The following CPQ variants were observed in gnomAD, a reference collection of about 807,000 sequenced individuals.
The protein encoded by CPQ is carboxypeptidase Q, also known as Ser-Met dipeptidase.
In CPQ, 37 loss-of-function variants were observed where a neutral mutation model predicts 45.7. The observed-to-expected ratio is 0.81, with a 90% confidence interval of 0.62 to 1.07. The LOEUF is 1.07. Among genes scored for constraint, CPQ ranks in the 50% least tolerant of loss-of-function variants. The pLI, the probability that CPQ is intolerant of heterozygous loss-of-function variation, is 0.00. For missense variants in CPQ, 537 were observed against 572.9 expected (o/e 0.94, Z 0.64); for synonymous variants, 186 against 205.8 (o/e 0.90, Z 0.82).
chr8:96,770,973 A>G (rs1049684091), intron 1 of CPQ, among the ~76,000 whole-genome samples: 13 of 148,806 alleles, frequency 8.7e-5, no homozygotes, highest in African/African-American at 2.9e-4. Context: ...TGCTTTGTAA[A>G]TAGGTACTGT....
At chr8:96,880,178 T>C (rs1168611462) in intron 4 of CPQ, among the ~76,000 whole-genome samples, 173 bp downstream of exon 4, 1 of 152,136 alleles carries the variant, frequency 6.6e-6, no homozygotes, top group African/African-American at 2.4e-5. Flanking sequence ...ATGTTTACCA[T>C]CTCACACCAG....
intron 5 of CPQ, among the ~76,000 whole-genome samples, chr8:96,978,525 G>T (rs910412986): frequency 1.9e-4 from 29 of 152,080 alleles, no homozygotes; most frequent in African/African-American, 6.8e-4. Flanking sequence ...CACCACCCAG[G>T]GTATACAGCA....
At chr8:96,669,835 T>C (rs1049997657) in intron 1 of CPQ, among the ~76,000 whole-genome samples, 2 of 152,196 alleles carry the variant, frequency 1.3e-5, no homozygotes, top group Non-Finnish European at 2.9e-5. Flanking sequence ...GGTAGTTATG[T>C]TCTGTAAAAC....
At chr8:97,088,385 A>T (rs1811073805) in intron 7 of CPQ, among the ~76,000 whole-genome samples, 1 of 152,206 alleles carries the variant, frequency 6.6e-6, no homozygotes, top group Admixed American at 6.5e-5. Flanking sequence ...CATTGGCTTC[A>T]CTTAGTTCAT....
intron 5 of CPQ, among the ~76,000 whole-genome samples, chr8:97,012,926 A>ATGTT (rs1448194287): frequency 1.3e-5 from 2 of 151,976 alleles, no homozygotes; most frequent in Admixed American, 1.3e-4. Flanking sequence ...AAGAATGAAA[A>ATGTT]TGTTTGAGAT....
At chr8:96,877,734 T>C (rs548423133) in intron 3 of CPQ, among the ~76,000 whole-genome samples, 2 of 152,302 alleles carry the variant, frequency 1.3e-5, no homozygotes, top group South Asian at 2.1e-4. Flanking sequence ...TATTCTCCAC[T>C]TTACAAATGC....
intron 6 of CPQ, among the ~76,000 whole-genome samples, chr8:97,041,558 G>A (rs1208885539): frequency 2.0e-5 from 3 of 152,140 alleles, no homozygotes; most frequent in East Asian, 1.9e-4. Context: ...TCCCTGTCTT[G>A]TGCCAGTTTT....
chr8:97,016,264 G>T (rs1200217219), intron 5 of CPQ, among the ~76,000 whole-genome samples: 6 of 152,264 alleles, frequency 3.9e-5, no homozygotes, highest in East Asian at 1.9e-4. Flanking sequence ...ACAAAAGTAG[G>T]TAATGTAATG....
Position 96,714,521 on chromosome 8 carries a change from G to T in CPQ, c.-35+69119G>T, listed in dbSNP as rs185054813. Among the ~76,000 whole-genome samples the T allele has an allele frequency of 3.3e-3, 495 of 151,990 alleles. 3 individuals carry two copies. Among genetic ancestry groups the T allele is most frequent in the African/African-American group, 0.011 (465 of 41,468 alleles). ...TTCCTTTAAAATATCTATTTCTTTAGAGAATTTTTCATTCACATCCTGATT... is the reference window on the plus strand; with the variant it reads ...TTCCTTTAAAATATCTATTTCTTTATAGAATTTTTCATTCACATCCTGATT... On this transcript the variant is annotated intron_variant, in intron 1 of 7. Coordinates refer to ENST00000220763, the MANE Select transcript of CPQ (RefSeq NM_016134.4).
chr8:96,779,672 T>G (rs761972039), intron 1 of CPQ, among the ~76,000 whole-genome samples: 41 of 152,230 alleles, frequency 2.7e-4, no homozygotes, highest in Non-Finnish European at 5.4e-4. Context: ...AGTTAATTAA[T>G]GTTTGCAGAA....
At chr8:96,792,428 A>T (rs1004718564) in intron 2 of CPQ, among the ~76,000 whole-genome samples, 1 of 152,220 alleles carries the variant, frequency 6.6e-6, no homozygotes, top group Admixed American at 6.5e-5. Flanking sequence ...TCTGAGCCCA[A>T]CACAGCAGGT....
chr8:96,852,346 A>C (rs1811781591), intron 3 of CPQ, among the ~76,000 whole-genome samples: 1 of 152,204 alleles, frequency 6.6e-6, no homozygotes. Flanking sequence ...ACACACAAAA[A>C]AAAAGACACT....
At chr8:96,804,524 T>G (rs998243097) in intron 2 of CPQ, among the ~76,000 whole-genome samples, 1 of 152,114 alleles carries the variant, frequency 6.6e-6, no homozygotes, top group Non-Finnish European at 1.5e-5. Flanking sequence ...TAATTTTTAT[T>G]TGATACAAGA....
chr8:96,949,802 C>T (rs1454085715), intron 4 of CPQ, among the ~76,000 whole-genome samples: 1 of 152,132 alleles, frequency 6.6e-6, no homozygotes, highest in Non-Finnish European at 1.5e-5. Context: ...GAATGCCCAG[C>T]AGTCAGTGCT....
At chr8:97,082,982 C>T (rs981783730) in intron 7 of CPQ, among the ~76,000 whole-genome samples, 2 of 152,184 alleles carry the variant, frequency 1.3e-5, no homozygotes, top group African/African-American at 4.8e-5. Flanking sequence ...GTTCTAACCA[C>T]TTACCTGACA....
intron 7 of CPQ, among the ~76,000 whole-genome samples, chr8:97,072,483 G>A (rs1810762543): frequency 6.6e-6 from 1 of 152,026 alleles, no homozygotes; most frequent in East Asian, 1.9e-4. Context: ...ACAAACAAAT[G>A]AAAACGGTAA....
chr8:96,771,127 A>G (rs1810538950), intron 1 of CPQ, among the ~76,000 whole-genome samples: 1 of 147,678 alleles, frequency 6.8e-6, no homozygotes, highest in Non-Finnish European at 1.5e-5. Flanking sequence ...ATATATTTTA[A>G]TGTTTATAAA....
chr8:96,690,983 C>A (rs1356919647), intron 1 of CPQ, among the ~76,000 whole-genome samples: 1 of 145,334 alleles, frequency 6.9e-6, no homozygotes, highest in Non-Finnish European at 1.5e-5. Flanking sequence ...TTTTCCAAGG[C>A]AATATCCATG....
At chr8:96,682,307 CACTT>C (rs1186449361) in intron 1 of CPQ, among the ~76,000 whole-genome samples, 3 of 152,286 alleles carry the variant, frequency 2.0e-5, no homozygotes, top group Non-Finnish European at 4.4e-5. Flanking sequence ...TAGTAAGTCT[CACTT>C]ACTCACTCGT....
Sources: allele counts gnomAD v4.1 joint callset (sites outside exome capture counted in the v4.1 genomes callset), GRCh38; gene constraint gnomAD v4.1.1; transcripts MANE v1.5; gene names NCBI Gene and HGNC (gene_info 2026-07-23, HGNC 2026-07-21).